The following CLNK variants were observed in gnomAD, a reference collection of about 807,000 sequenced individuals.
CLNK encodes cytokine dependent hematopoietic cell linker, also known as cytokine-dependent hematopoietic cell linker.
A neutral mutation model predicts 68.6 loss-of-function variants in CLNK; 74 were observed. The ratio of observed to expected loss-of-function variants is 1.08; its 90% CI spans 0.89 to 1.31. The LOEUF is 1.31. Ranked by LOEUF, CLNK falls within the 50% of genes most tolerant of loss-of-function variation. CLNK has a pLI of 0.00. For missense variants in CLNK, 553 were observed against 515.3 expected (o/e 1.07, Z -0.71); for synonymous variants, 198 against 172.2 (o/e 1.15, Z -1.17).
At chr4:10,630,013 C>G (rs554160638) in intron 2 of CLNK, among the ~76,000 whole-genome samples, 1 of 152,152 alleles carries the variant, frequency 6.6e-6, no homozygotes, top group Non-Finnish European at 1.5e-5. Context: ...TTGGGGACCA[C>G]GGCAGTGCAA....
chr4:10,682,853 A>T lies in CLNK; in HGVS notation c.-43+1815T>A, dbSNP rs142568802. The stretch of plus-strand genomic sequence containing the variant: ...AGGCCTACATTACATAGGGCTATAC[A>T]ACTGTGGAATATTACCATTCTCTAA... On this transcript the variant is annotated intron_variant, in intron 1 of 18. Coordinates refer to ENST00000226951, the MANE Select transcript of CLNK (RefSeq NM_052964.4). Among the ~76,000 whole-genome samples the T allele has an allele frequency of 1.6e-3, 243 of 152,306 alleles. 1 individual carries two copies. Among genetic ancestry groups the T allele is most frequent in the African/African-American group, 5.5e-3 (228 of 41,570 alleles).
At chr4:10,655,908 C>T (rs560770673) in intron 2 of CLNK, among the ~76,000 whole-genome samples, 2 of 152,090 alleles carry the variant, frequency 1.3e-5, no homozygotes, top group East Asian at 3.9e-4. Context: ...TTTGGCCTCC[C>T]AAAGTGCTGG....
chr4:10,580,887 G>A (rs575456769), intron 4 of CLNK, among the ~76,000 whole-genome samples: 1 of 152,192 alleles, frequency 6.6e-6, no homozygotes, highest in Admixed American at 6.5e-5. Flanking sequence ...TAAGTGTAGA[G>A]ATTCTAATGT....
chr4:10,580,760 T>A (rs1188578372), intron 4 of CLNK, among the ~76,000 whole-genome samples: 3 of 152,210 alleles, frequency 2.0e-5, no homozygotes, highest in African/African-American at 7.2e-5. Context: ...ATAAGTCTTA[T>A]TAGGAAAGAG....
intron 11 of CLNK, among the ~76,000 whole-genome samples, chr4:10,533,306 G>T (rs908028606): frequency 5.3e-5 from 8 of 152,166 alleles, no homozygotes; most frequent in African/African-American, 1.9e-4. Context: ...CATTCAGTGT[G>T]CATCGTTGTC....
At chr4:10,581,454 G>A (rs182682670) in intron 4 of CLNK, among the ~76,000 whole-genome samples, 2 of 152,116 alleles carry the variant, frequency 1.3e-5, no homozygotes, top group Non-Finnish European at 2.9e-5. Context: ...TGAAGATTAT[G>A]AGCTAATAAT....
intron 2 of CLNK, among the ~76,000 whole-genome samples, chr4:10,618,127 A>G (rs1722303347): frequency 1.3e-5 from 2 of 152,330 alleles, no homozygotes; most frequent in Admixed American, 1.3e-4. Context: ...AACAACCCAA[A>G]TGCCTATAAA....
Position 10,663,453 on chromosome 4 carries a change from T to C in CLNK, c.11+4406A>G, listed in dbSNP as rs79411582. The stretch of plus-strand genomic sequence containing the variant: ...CTTTGAGGGCAGGGACTAGATCTTA[T>C]TCAACTTTATAAATGAGGTGTGTGA... On this transcript the variant is annotated intron_variant, in intron 2 of 18. Transcript: ENST00000226951. 7.1e-3 allele frequency among the ~76,000 whole-genome samples: 1,081 copies of C among 152,360 alleles called. 4 individuals carry two copies. Among genetic ancestry groups the C allele is most frequent in the Middle Eastern group, 0.027 (8 of 294 alleles).
intron 2 of CLNK, among the ~76,000 whole-genome samples, chr4:10,641,549 T>G (rs760817648): frequency 5.9e-5 from 9 of 152,194 alleles, no homozygotes; most frequent in African/African-American, 1.2e-4. Context: ...CAGAACCCCT[T>G]TGGGACTAAG....
chr4:10,672,188 C>A (rs73103727), intron 1 of CLNK, among the ~76,000 whole-genome samples: 2 of 152,128 alleles, frequency 1.3e-5, no homozygotes, highest in South Asian at 2.1e-4. Flanking sequence ...GAGGGAACTG[C>A]GCACTATGGG....
intron 13 of CLNK, among the ~76,000 whole-genome samples, chr4:10,527,000 A>C (rs922803218): frequency 4.6e-5 from 7 of 152,202 alleles, no homozygotes; most frequent in African/African-American, 1.4e-4. Context: ...CCCAAGGTTC[A>C]TCACAAACTG....
chr4:10,619,607 GA>G (rs990393521), intron 2 of CLNK, among the ~76,000 whole-genome samples: 5 of 150,342 alleles, frequency 3.3e-5, no homozygotes, highest in East Asian at 1.9e-4. Flanking sequence ...GGTGGAAAAA[GA>G]AAAAAAAGGA....
the CLNK span, among the ~76,000 whole-genome samples, chr4:10,719,682 G>A: frequency 9.9e-5 from 15 of 152,214 alleles, no homozygotes; most frequent in East Asian, 2.7e-3. Flanking sequence ...AAACTATCAA[G>A]GGTATAGAAG....
chr4:10,665,932 G>A (rs866925163), intron 2 of CLNK, among the ~76,000 whole-genome samples: 2 of 152,138 alleles, frequency 1.3e-5, no homozygotes, highest in Non-Finnish European at 1.5e-5. Flanking sequence ...TAAGGATCTT[G>A]ATAAGAAATC....
At chr4:10,535,219 G>GAAAGAAAGAA (rs1718702460) in intron 11 of CLNK, among the ~76,000 whole-genome samples, 2 of 76,998 alleles carry the variant, frequency 2.6e-5, no homozygotes, top group Non-Finnish European at 2.7e-5. Flanking sequence ...GAAAGAGAAA[G>GAAAGAAAGAA]AAAGAAAGAA....
At chr4:10,700,532 T>C in the CLNK span, among the ~76,000 whole-genome samples, 70,320 of 152,060 alleles carry the variant, frequency 0.46, 17,529 homozygotes, top group Middle Eastern at 0.63. Context: ...CAACTTGTGA[T>C]GTAGGTGACA....
intron 1 of CLNK, among the ~76,000 whole-genome samples, chr4:10,680,764 G>A (rs6821184): frequency 5.3e-5 from 8 of 151,996 alleles, no homozygotes; most frequent in African/African-American, 1.4e-4. Context: ...GAGGTTCTGA[G>A]GAGTTAAATA....
chr4:10,563,064 G>C (rs542577905), intron 7 of CLNK, among the ~76,000 whole-genome samples: 11 of 152,172 alleles, frequency 7.2e-5, no homozygotes, highest in African/African-American at 2.4e-4. Context: ...TTCATCACTC[G>C]TCTTGCTCCT....
intron 8 of CLNK, among the ~76,000 whole-genome samples, chr4:10,548,376 A>G (rs760305407): frequency 5.3e-5 from 8 of 152,202 alleles, no homozygotes; most frequent in Non-Finnish European, 8.8e-5. Context: ...CTTCAGTTGT[A>G]TCAGTTCCTT....
Sources: gnomAD v4.1 joint callset for allele counts (sites outside exome capture counted in the v4.1 genomes callset) on GRCh38, gnomAD v4.1.1 for gene constraint, MANE v1.5 for transcripts, NCBI Gene and HGNC (gene_info 2026-07-23, HGNC 2026-07-21) for gene names.